The following UBE4B variants were observed in gnomAD, a reference collection of about 807,000 sequenced individuals.
The protein encoded by UBE4B is ubiquitin conjugation factor E4 B.
UBE4B carries 27 observed loss-of-function variants against 148.1 expected under a neutral mutation model. The observed-to-expected ratio is 0.18, with a 90% CI of 0.13 to 0.25. The LOEUF is 0.25. Ranked by LOEUF, UBE4B falls within the 10% of genes least tolerant of loss-of-function variation. The pLI is 1.00. For missense variants in UBE4B, 1,170 were observed against 1,662.4 expected (o/e 0.70, Z 5.15); for synonymous variants, 596 against 619.3 (o/e 0.96, Z 0.56).
At chr1:10,036,641 A>G (rs1327817070) in intron 1 of UBE4B, among the ~76,000 whole-genome samples, 1 of 152,016 alleles carries the variant, frequency 6.6e-6, no homozygotes, top group Non-Finnish European at 1.5e-5. Flanking sequence ...ATATCTTTGA[A>G]GTTTTTCTTT....
chr1:10,106,430 CG>C lies in UBE4B; in HGVS notation c.1044del (p.Ser349AlafsTer46). 6.2e-7 allele frequency: 1 copy of C among 1,613,750 alleles called. No homozygotes were observed. ...PWASSGVSILSSSPSPPALAS... is the reference protein window; with the variant it reads ...PWASSGVSILXSSPSPPALAS... ...GCGTCCTCAGGCGTCTCCATTCTGT[CG>C]AGCTCCCCAAGTCCCCCTGCCCTCG... On this transcript the variant is annotated frameshift_variant, in exon 7 of 28. Transcript: ENST00000343090. LOFTEE classifies it high-confidence loss of function. The surrounding 1 kb of genome is among the most constrained non-coding windows in gnomAD (Gnocchi z 4.2).
At chr1:10,144,830 A>G in intron 17 of UBE4B, 110 bp from the exon 18 acceptor site, 1 of 667,462 alleles carries the variant, frequency 1.5e-6, no homozygotes. Context: ...TAAAGATGTT[A>G]CAATGCGAAA....
chr1:10,165,989 T>A (rs570948915), intron 23 of UBE4B, among the ~76,000 whole-genome samples: 1 of 152,284 alleles, frequency 6.6e-6, no homozygotes, highest in South Asian at 2.1e-4. Flanking sequence ...ATTTAGGTAG[T>A]TCACGCCTGG....
intron 1 of UBE4B, among the ~76,000 whole-genome samples, chr1:10,039,188 T>C (rs899140249): frequency 1.3e-5 from 2 of 151,928 alleles, no homozygotes; most frequent in Non-Finnish European, 2.9e-5. Flanking sequence ...ATGGTGGAGG[T>C]ATGCACAACT....
intron 2 of UBE4B, among the ~76,000 whole-genome samples, chr1:10,079,208 G>A (rs566792250): frequency 5.3e-4 from 81 of 152,060 alleles, no homozygotes; most frequent in Non-Finnish European, 9.6e-4. Context: ...ATGGAGTCCC[G>A]CTCTGTCGCC....
At chr1:10,141,146 G>T (rs1345943770) in intron 17 of UBE4B, among the ~76,000 whole-genome samples, 1 of 152,094 alleles carries the variant, frequency 6.6e-6, no homozygotes, top group African/African-American at 2.4e-5. Flanking sequence ...GTACATATGT[G>T]GTTGGTAGAG....
At chr1:10,098,444 C>G (rs182219944) in intron 3 of UBE4B, among the ~76,000 whole-genome samples, 1 of 152,126 alleles carries the variant, frequency 6.6e-6, no homozygotes, top group African/African-American at 2.4e-5. Context: ...TCCACAGGCT[C>G]CCCAGAATTT....
At position 10,130,829 on chromosome 1, in the gene UBE4B, A is replaced by ATC. The variant is rs761015056; in HGVS notation, c.1911+16_1911+17insTC. 1 of 1,606,188 alleles carries ATC rather than the reference A, an allele frequency of 6.2e-7. No homozygotes were observed. Among genetic ancestry groups the ATC allele is most frequent in the Non-Finnish European group, 8.5e-7 (1 of 1,172,902 alleles). ...GCTCGGAAGGGTAAGTGTTCAGAAA[A>ATC]CAAATCCAGAGGAAGTATCAAAGAT... On this transcript the variant is annotated intron_variant, in intron 14 of 27. Coordinates refer to ENST00000343090, the MANE Select transcript of UBE4B (RefSeq NM_001105562.3).
At chr1:10,175,453 C>A (rs549877769) in intron 25 of UBE4B, among the ~76,000 whole-genome samples, 1 of 151,404 alleles carries the variant, frequency 6.6e-6, no homozygotes, top group Non-Finnish European at 1.5e-5. Flanking sequence ...AGATCGAGAC[C>A]GTCCTGGCTA....
intron 17 of UBE4B, among the ~76,000 whole-genome samples, chr1:10,138,242 C>T (rs980617618): frequency 6.6e-6 from 1 of 151,840 alleles, no homozygotes; most frequent in Admixed American, 6.6e-5. Flanking sequence ...GGACTACAGG[C>T]GCCCACCACC....
In UBE4B at chr1:10,180,043, G is replaced by A. The variant is rs1646484557; in HGVS notation, c.*87G>A. 3 of 1,577,488 alleles carry A rather than the reference G, an allele frequency of 1.9e-6. No homozygotes were observed. The highest frequency in any genetic ancestry group is 2.7e-5 in the African/African-American group (2 of 74,054). ...CGGCCGCAGCGAAGCTGCCGTTCAT[G>A]TGTTGGAGGCCAAATGTGGCAAACC... On this transcript the variant is annotated 3_prime_UTR_variant, in exon 28 of 28. Transcript: ENST00000343090.
In UBE4B at chr1:10,180,284, A is replaced by T. The variant is rs1646487786; in HGVS notation, c.*328A>T. ...GTGATGGCTAATGGGTCTGGGCAGC[A>T]TCCCTTCATGAATTTTTTTTTAATC... On this transcript the variant is annotated 3_prime_UTR_variant, in exon 28 of 28. Transcript: ENST00000343090. 1 of 283,386 alleles carries T rather than the reference A, an allele frequency of 3.5e-6. No individual in the cohort carries two copies. The highest frequency in any genetic ancestry group is 6.5e-6 in the Non-Finnish European group (1 of 152,968). 17.6% of individuals were successfully genotyped at this position (283,386 alleles called of 1,614,324 possible). A position where few individuals can be genotyped will look rare whatever the true frequency, so the allele number is the denominator to read the frequency against.
chr1:10,073,999 C>T (rs942579005), intron 2 of UBE4B, among the ~76,000 whole-genome samples: 3 of 139,656 alleles, frequency 2.1e-5, no homozygotes, highest in Admixed American at 1.6e-4. Flanking sequence ...TGTTCATAGG[C>T]GTGATCCTAG....
intron 3 of UBE4B, 26 bp from the exon 4 acceptor site, chr1:10,101,082 G>C (rs1157447343): frequency 6.2e-7 from 1 of 1,607,172 alleles, no homozygotes; most frequent in African/African-American, 1.3e-5. Flanking sequence ...AAAGGTAAAA[G>C]GCTTGTTTGT....
At chr1:10,126,294 C>T (rs970287207) in intron 10 of UBE4B, among the ~76,000 whole-genome samples, 39 of 148,174 alleles carry the variant, frequency 2.6e-4, no homozygotes, top group African/African-American at 9.3e-4. Flanking sequence ...AGCGAGACTC[C>T]GTCTCAATAT....
At chr1:10,074,005 C>T (rs1314807185) in intron 2 of UBE4B, among the ~76,000 whole-genome samples, 1 of 142,576 alleles carries the variant, frequency 7.0e-6, no homozygotes, top group Non-Finnish European at 1.5e-5. Context: ...TAGGCGTGAT[C>T]CTAGTGCACT....
intron 1 of UBE4B, among the ~76,000 whole-genome samples, chr1:10,055,975 A>C (rs1330017657): frequency 6.6e-6 from 1 of 152,184 alleles, no homozygotes; most frequent in African/African-American, 2.4e-5. Flanking sequence ...ATGCTTAGTC[A>C]TCTACGTTAA....
intron 21 of UBE4B, among the ~76,000 whole-genome samples, chr1:10,154,578 C>A (rs145319122): frequency 3.0e-4 from 45 of 152,220 alleles, no homozygotes; most frequent in African/African-American, 1.1e-3. Flanking sequence ...TGACTCACGC[C>A]TGTAATCCCA....
At chr1:10,170,470 T>G (rs1198694735) in intron 24 of UBE4B, among the ~76,000 whole-genome samples, 1 of 152,252 alleles carries the variant, frequency 6.6e-6, no homozygotes, top group Non-Finnish European at 1.5e-5. Context: ...AAGCCACATC[T>G]TCCTGTTTCA....
Sources: allele counts gnomAD v4.1 joint callset (sites outside exome capture counted in the v4.1 genomes callset), GRCh38; gene constraint gnomAD v4.1.1; non-coding constraint Gnocchi (gnomAD v3.1); transcripts MANE v1.5; gene names NCBI Gene and HGNC (gene_info 2026-07-23, HGNC 2026-07-21).